The following GPC5 variants were observed in gnomAD, a reference collection of about 807,000 sequenced individuals.
GPC5 encodes glypican-5.
A neutral mutation model predicts 53.9 loss-of-function variants in GPC5; 47 were observed. The ratio of observed to expected loss-of-function variants is 0.87; its 90% confidence interval spans 0.69 to 1.11. The LOEUF (loss-of-function observed/expected upper bound fraction) is 1.11. GPC5 is among the 50% of genes most tolerant of loss of function. The pLI, the probability that GPC5 is intolerant of heterozygous loss-of-function variation, is 0.00. For synonymous variants in GPC5, 286 were observed against 263.3 expected, an observed-to-expected ratio of 1.09 and a Z score of -0.84; for missense variants, 748 against 713.1, an observed-to-expected ratio of 1.05 and a Z score of -0.56.
intron 7 of GPC5, among the ~76,000 whole-genome samples, chr13:92,744,690 C>G (rs570794591): frequency 1.1e-4 from 16 of 151,944 alleles, no homozygotes; most frequent in African/African-American, 3.6e-4. Context: ...GATGAAATAA[C>G]GCTAATTGAA....
At chr13:92,092,641 A>C (rs2041389899) in intron 6 of GPC5, among the ~76,000 whole-genome samples, 1 of 152,146 alleles carries the variant, frequency 6.6e-6, no homozygotes. Flanking sequence ...CATGAGGTTA[A>C]ATTTTTATAA....
chr13:91,692,253 T>A (rs1186588504), intron 2 of GPC5, among the ~76,000 whole-genome samples: 1 of 152,204 alleles, frequency 6.6e-6, no homozygotes, highest in Non-Finnish European at 1.5e-5. Context: ...AATAATTTAT[T>A]TTCATCAAAT....
chr13:91,566,320 C>A (rs924417320), intron 2 of GPC5, among the ~76,000 whole-genome samples: 1 of 152,040 alleles, frequency 6.6e-6, no homozygotes, highest in Non-Finnish European at 1.5e-5. Context: ...AATCCCAGCA[C>A]TTTGGGAGGC....
At chr13:92,310,555 C>T (rs1191866827) in intron 7 of GPC5, among the ~76,000 whole-genome samples, 2 of 152,056 alleles carry the variant, frequency 1.3e-5, no homozygotes, top group Admixed American at 6.6e-5. Flanking sequence ...ATTTGATGGC[C>T]TCCATAAAAC....
At chr13:92,224,013 T>C (rs545154223) in intron 7 of GPC5, among the ~76,000 whole-genome samples, 3 of 152,256 alleles carry the variant, frequency 2.0e-5, no homozygotes, top group African/African-American at 7.2e-5. Flanking sequence ...TATACACGCA[T>C]GTTGAAACTT....
Position 92,768,235 on chromosome 13 carries a change from T to C in GPC5, c.1562-98047T>C, listed in dbSNP as rs1875480244. On this transcript the variant is annotated intron_variant, in intron 7 of 7. Coordinates refer to ENST00000377067, the MANE Select transcript of GPC5 (RefSeq NM_004466.6). Reference sequence around the variant, plus strand: ...ACAAACTTACAAAATGCATTGTAAGTTTTGTACTTTTTGGTGATTATTGAT... The same window carrying C: ...ACAAACTTACAAAATGCATTGTAAGCTTTGTACTTTTTGGTGATTATTGAT... Among the ~76,000 whole-genome samples the C allele has an allele frequency of 2.0e-5, 3 of 152,124 alleles. No individual in the cohort carries two copies. The South Asian group carries it at 6.2e-4, about 32-fold the overall frequency.
At chr13:91,692,597 A>G (rs1208597708) in intron 2 of GPC5, among the ~76,000 whole-genome samples, 1 of 152,232 alleles carries the variant, frequency 6.6e-6, no homozygotes, top group Non-Finnish European at 1.5e-5. Flanking sequence ...ATGAATGACT[A>G]TAGAATAAAG....
intron 7 of GPC5, among the ~76,000 whole-genome samples, chr13:92,470,774 C>T (rs1333357214): frequency 1.3e-5 from 2 of 152,154 alleles, no homozygotes; most frequent in Admixed American, 6.5e-5. Flanking sequence ...CAAGGACATC[C>T]TATTAACGTG....
chr13:91,437,661 A>G (rs955774121), intron 1 of GPC5, among the ~76,000 whole-genome samples: 56 of 152,104 alleles, frequency 3.7e-4, no homozygotes, highest in African/African-American at 1.3e-3. Flanking sequence ...CTCAAGGAGT[A>G]TCTTTGTGGC....
chr13:91,530,740 G>C (rs191243216), intron 2 of GPC5, among the ~76,000 whole-genome samples: 6 of 152,188 alleles, frequency 3.9e-5, no homozygotes, highest in Non-Finnish European at 7.4e-5. Flanking sequence ...ATAACCAAGG[G>C]AGCGAGATAT....
chr13:92,124,248 GA>G (rs34042033), intron 6 of GPC5, among the ~76,000 whole-genome samples: 17,745 of 55,018 alleles, frequency 0.32, 782 homozygotes, highest in Non-Finnish European at 0.37. Flanking sequence ...CGGACAGAAT[GA>G]AAAAAAAAAA....
intron 7 of GPC5, among the ~76,000 whole-genome samples, chr13:92,203,267 G>A (rs2042307808): frequency 6.6e-6 from 1 of 150,702 alleles, no homozygotes; most frequent in Non-Finnish European, 1.5e-5. Flanking sequence ...ACTGGATTAA[G>A]AAAATGTGGC....
intron 2 of GPC5, among the ~76,000 whole-genome samples, chr13:91,665,647 C>T (rs562286137): frequency 2.0e-5 from 3 of 152,204 alleles, no homozygotes; most frequent in East Asian, 3.9e-4. Flanking sequence ...AGACTGCAGG[C>T]GCCCACCACC....
At chr13:92,702,897 C>G (rs1887800386) in intron 7 of GPC5, among the ~76,000 whole-genome samples, 1 of 151,804 alleles carries the variant, frequency 6.6e-6, no homozygotes, top group Admixed American at 6.6e-5. Context: ...CTCCTTGGCT[C>G]CCCCAACCCG....
chr13:91,567,232 G>T (rs2031574643), intron 2 of GPC5, among the ~76,000 whole-genome samples: 1 of 152,042 alleles, frequency 6.6e-6, no homozygotes, highest in East Asian at 1.9e-4. Context: ...GTTCAACGTG[G>T]TATATATGAA....
At chr13:92,460,074 T>TA (rs111582929) in intron 7 of GPC5, among the ~76,000 whole-genome samples, 10,488 of 152,180 alleles carry the variant, frequency 0.069, 468 homozygotes, top group African/African-American at 0.12. Context: ...TTATTATGAC[T>TA]AAACAATTCA....
At chr13:92,108,164 C>T (rs755338993) in intron 6 of GPC5, among the ~76,000 whole-genome samples, 6 of 152,042 alleles carry the variant, frequency 3.9e-5, no homozygotes, top group Non-Finnish European at 8.8e-5. Flanking sequence ...TACATATTTT[C>T]TTGAAATTCC....
intron 7 of GPC5, among the ~76,000 whole-genome samples, chr13:92,778,744 A>T (rs144173197): frequency 6.6e-6 from 1 of 152,182 alleles, no homozygotes; most frequent in South Asian, 2.1e-4. Context: ...TATTAACATC[A>T]TTAGACTTAG....
intron 7 of GPC5, among the ~76,000 whole-genome samples, chr13:92,203,187 C>A (rs535197534): frequency 6.6e-6 from 1 of 151,830 alleles, no homozygotes; most frequent in Non-Finnish European, 1.5e-5. Context: ...CACATGCACA[C>A]GTATGTTTAT....
Sources: allele counts gnomAD v4.1 joint callset (sites outside exome capture counted in the v4.1 genomes callset), GRCh38; gene constraint gnomAD v4.1.1; transcripts MANE v1.5; gene names NCBI Gene and HGNC (gene_info 2026-07-23, HGNC 2026-07-21).